Variants in NRXN3 observed in about 807,000 individuals in gnomAD.
NRXN3 encodes neurexin III.
In NRXN3, 32 loss-of-function variants were observed where a neutral mutation model predicts 137.6. The observed-to-expected ratio is 0.23, with a 90% CI of 0.18 to 0.31. The LOEUF (loss-of-function observed/expected upper bound fraction) is 0.31. Ranked by LOEUF, NRXN3 falls within the 10% of genes least tolerant of loss-of-function variation. The probability of loss-of-function intolerance (pLI) is 1.00; values close to 1 mark genes in which losing one functional copy is unlikely to be tolerated. For synonymous variants in NRXN3, 798 were observed against 784.5 expected (o/e 1.02, Z -0.29); for missense variants, 1,574 against 2,062.5 (o/e 0.76, Z 4.59).
chr14:78,986,462 A>T (rs112930316), intron 14 of NRXN3, among the ~76,000 whole-genome samples: 1,722 of 152,268 alleles, frequency 0.011, 21 homozygotes, highest in African/African-American at 0.036. Context: ...GAAAGAGTTT[A>T]ATGGCAATCT....
At chr14:78,255,146 G>A (rs1353438789) in intron 2 of NRXN3, among the ~76,000 whole-genome samples, 2 of 134,404 alleles carry the variant, frequency 1.5e-5, no homozygotes, top group South Asian at 2.4e-4. Flanking sequence ...CCCATTGACA[G>A]TCATTTACCT....
chr14:79,117,286 C>G (rs989339143), intron 15 of NRXN3, among the ~76,000 whole-genome samples: 11 of 152,136 alleles, frequency 7.2e-5, no homozygotes, highest in African/African-American at 2.7e-4. Flanking sequence ...TTGCTTTTAG[C>G]CTGTGATATT....
At chr14:78,494,354 T>A (rs1393740662) in intron 4 of NRXN3, among the ~76,000 whole-genome samples, 1 of 152,106 alleles carries the variant, frequency 6.6e-6, no homozygotes, top group African/African-American at 2.4e-5. Flanking sequence ...AAACCCATAT[T>A]TGGCGTGTTT....
chr14:78,635,114 GGTGGGGA>G (rs2097556486), intron 4 of NRXN3, among the ~76,000 whole-genome samples: 1 of 152,094 alleles, frequency 6.6e-6, no homozygotes, highest in Non-Finnish European at 1.5e-5. Context: ...GATACTTAAA[GGTGGGGA>G]GTTTTACCAA....
chr14:78,584,980 T>C lies in NRXN3; in HGVS notation c.758-60140T>C, dbSNP rs543493046. On this transcript the variant is annotated intron_variant, in intron 4 of 20. Coordinates refer to ENST00000335750, the MANE Select transcript of NRXN3 (RefSeq NM_001330195.2). ...ACTCCATAACAGGCATAGCATTAGC[T>C]TCAGGATTTCCAGCAGTGAGCCAAA... is the stretch of plus-strand genomic sequence containing the variant. 1.4e-3 allele frequency among the ~76,000 whole-genome samples: 210 copies of C among 152,308 alleles called. No individual in the cohort carries two copies. In the Middle Eastern group the frequency reaches 0.024, roughly 17 times the overall value.
At chr14:78,229,286 T>C (rs1370553489) in intron 1 of NRXN3, among the ~76,000 whole-genome samples, 1 of 152,066 alleles carries the variant, frequency 6.6e-6, no homozygotes, top group African/African-American at 2.4e-5. Flanking sequence ...TCTTTTTTTT[T>C]TTTTCAATCA....
intron 15 of NRXN3, among the ~76,000 whole-genome samples, chr14:79,242,398 G>A (rs1442763426): frequency 6.6e-6 from 1 of 152,140 alleles, no homozygotes; most frequent in Admixed American, 6.5e-5. Context: ...TCAAAGGAGT[G>A]TGTTTCTGAG....
chr14:78,649,809 C>T (rs1196604607), intron 5 of NRXN3, among the ~76,000 whole-genome samples: 4 of 151,960 alleles, frequency 2.6e-5, no homozygotes, highest in Admixed American at 2.0e-4. Context: ...GAGGAAAGTA[C>T]TCCACTTCCT....
chr14:78,721,066 G>A (rs1042630976), intron 8 of NRXN3, among the ~76,000 whole-genome samples: 2 of 152,104 alleles, frequency 1.3e-5, no homozygotes, highest in Non-Finnish European at 2.9e-5. Context: ...ATCTACCAGT[G>A]TCAATGATTC....
At chr14:78,587,641 A>T (rs935599420) in intron 4 of NRXN3, among the ~76,000 whole-genome samples, 75 of 152,196 alleles carry the variant, frequency 4.9e-4, no homozygotes, top group African/African-American at 1.8e-3. Flanking sequence ...CCCTCTACAC[A>T]TTCGCAACTA....
intron 11 of NRXN3, among the ~76,000 whole-genome samples, chr14:78,958,393 T>A (rs1395554746): frequency 1.3e-5 from 2 of 151,640 alleles, no homozygotes; most frequent in Admixed American, 1.3e-4. Flanking sequence ...TCTTGCTCTG[T>A]CGCCCAGGCT....
chr14:79,413,765 T>C (rs999074193), intron 15 of NRXN3, among the ~76,000 whole-genome samples: 2 of 152,004 alleles, frequency 1.3e-5, no homozygotes, highest in East Asian at 3.9e-4. Flanking sequence ...GCGACTCTTT[T>C]TGGTTTTGTT....
intron 16 of NRXN3, among the ~76,000 whole-genome samples, chr14:79,545,205 G>A (rs987047908): frequency 1.3e-5 from 2 of 152,140 alleles, no homozygotes; most frequent in African/African-American, 4.8e-5. Flanking sequence ...ACAAATTTAT[G>A]AGAGTTCTGA....
At chr14:79,841,626 A>AT (rs766794228) in intron 20 of NRXN3, among the ~76,000 whole-genome samples, 31 of 152,148 alleles carry the variant, frequency 2.0e-4, no homozygotes, top group Non-Finnish European at 4.1e-4. Flanking sequence ...CCTGATCACC[A>AT]TTCCCCCATT....
chr14:79,390,705 A>G (rs2153472532), intron 15 of NRXN3, among the ~76,000 whole-genome samples: 1 of 152,270 alleles, frequency 6.6e-6, no homozygotes, highest in South Asian at 2.1e-4. Context: ...ACATGTACTA[A>G]ATCATTATGT....
intron 4 of NRXN3, among the ~76,000 whole-genome samples, chr14:78,305,450 C>T (rs1300818201): frequency 6.6e-6 from 1 of 151,994 alleles, no homozygotes; most frequent in African/African-American, 2.4e-5. Flanking sequence ...GTATTTTTCC[C>T]ATGTAGATTT....
At chr14:78,429,050 C>T (rs1322761331) in intron 4 of NRXN3, among the ~76,000 whole-genome samples, 1 of 151,918 alleles carries the variant, frequency 6.6e-6, no homozygotes, top group Non-Finnish European at 1.5e-5. Flanking sequence ...CTAAGTCTAA[C>T]CCCAACCTCA....
rs1175968897 is a variant in NRXN3, at chr14:79,864,818, C to G, written c.*2854C>G. On this transcript the variant is annotated 3_prime_UTR_variant, in exon 21 of 21. Coordinates refer to ENST00000335750, the MANE Select transcript of NRXN3 (RefSeq NM_001330195.2). ...CCGGGCTGGAGTGCAGTGGCACGAT[C>G]TCGGCTCACTGCAAGCTCCGCCTCC... 1 of 151,790 alleles carries G rather than the reference C, an allele frequency of 6.6e-6. No individual in the cohort carries two copies. The highest frequency in any genetic ancestry group is 1.5e-5 in the Non-Finnish European group (1 of 68,022). 9.4% of individuals were successfully genotyped at this position (151,790 alleles called of 1,614,324 possible).
intron 19 of NRXN3, among the ~76,000 whole-genome samples, chr14:79,793,058 T>C (rs1179626386): frequency 6.6e-6 from 1 of 152,090 alleles, no homozygotes; most frequent in Non-Finnish European, 1.5e-5. Flanking sequence ...AGTGGGAGCA[T>C]GTGCATTAAA....
Sources: gnomAD v4.1 joint callset for allele counts (sites outside exome capture counted in the v4.1 genomes callset) on GRCh38, gnomAD v4.1.1 for gene constraint, MANE v1.5 for transcripts, NCBI Gene and HGNC (gene_info 2026-07-23, HGNC 2026-07-21) for gene names.